HNF1B: variants seen among roughly 807,000 people sequenced by gnomAD.
HNF1B encodes HNF1 homeobox B.
HNF1B carries 8 observed loss-of-function variants against 61.7 expected under a neutral mutation model. That is an observed-to-expected ratio of 0.13 (90% CI 0.08 to 0.23). HNF1B has a LOEUF of 0.23. Ranked by LOEUF, HNF1B falls within the 10% of genes least tolerant of loss-of-function variation. The pLI is 1.00. For missense variants in HNF1B, 562 were observed against 714.5 expected (o/e 0.79, Z 2.43); for synonymous variants, 314 against 287.7 (o/e 1.09, Z -0.93).
At position 37,704,950 on chromosome 17, in the gene HNF1B, T is replaced by C. The variant is rs1344461672; in HGVS notation, c.1306A>G (p.Thr436Ala). ...NPQQSQNLIM[T>A]PLSGVMAIAQ... ...ATTGCCATGACTCCAGAGAGGGGTGTCATGATGAGGTTTTGAGATTGCTGG... is the reference window on the plus strand; with the variant it reads ...ATTGCCATGACTCCAGAGAGGGGTGCCATGATGAGGTTTTGAGATTGCTGG... Residue 436 changes from threonine (T) to alanine (A), a missense_variant, in exon 6 of 9, where the codon ACA becomes GCA. By Grantham distance (58) the Thr-to-Ala change is moderately conservative. This residue lies in a region of HNF1B where 211 missense variants were observed against 200.7 expected (regional missense o/e 1.05). Coordinates refer to ENST00000617811, the MANE Select transcript of HNF1B (RefSeq NM_000458.4). 1.2e-6 allele frequency: 2 copies of C among 1,614,090 alleles called. No homozygotes were observed. The highest frequency in any genetic ancestry group is 2.2e-5 in the South Asian group (2 of 91,076).
At chr17:37,739,664 G>A in intron 1 of HNF1B, 25 bp from the exon 2 acceptor site, 1 of 1,565,808 alleles carries the variant, frequency 6.4e-7, no homozygotes, top group Non-Finnish European at 8.7e-7. Context: ...AGATGGTTAG[G>A]GTACTAGTGG....
intron 4 of HNF1B, among the ~76,000 whole-genome samples, chr17:37,721,359 G>C (rs1156318331): frequency 6.6e-6 from 1 of 152,132 alleles, no homozygotes; most frequent in Non-Finnish European, 1.5e-5. Context: ...ACAATGATGA[G>C]TTTCACAATA....
chr17:37,737,053 T>G (rs750761862), intron 2 of HNF1B, among the ~76,000 whole-genome samples: 8 of 152,326 alleles, frequency 5.3e-5, no homozygotes, highest in Admixed American at 2.0e-4. Flanking sequence ...GGAGGTTCTG[T>G]GTGTGTAGAG....
intron 4 of HNF1B, among the ~76,000 whole-genome samples, chr17:37,711,618 A>G (rs1030453525): frequency 2.0e-5 from 3 of 152,230 alleles, no homozygotes; most frequent in African/African-American, 7.2e-5. Context: ...TGTGCCCATG[A>G]AACAGTCAAG....
chr17:37,709,378 T>C (rs1355153974), intron 5 of HNF1B, among the ~76,000 whole-genome samples: 1 of 152,004 alleles, frequency 6.6e-6, no homozygotes, highest in Admixed American at 6.6e-5. Context: ...GCCTCCCGAG[T>C]AGCTGGGATT....
intron 8 of HNF1B, among the ~76,000 whole-genome samples, chr17:37,697,541 G>A (rs2032425879): frequency 6.6e-6 from 1 of 152,182 alleles, no homozygotes; most frequent in African/African-American, 2.4e-5. Context: ...GGGAAAGACA[G>A]GAATAATTAA....
chr17:37,723,078 G>A (rs887806949), intron 4 of HNF1B, among the ~76,000 whole-genome samples: 6 of 151,984 alleles, frequency 3.9e-5, no homozygotes, highest in Non-Finnish European at 5.9e-5. Context: ...GGTGGCTCAC[G>A]GCTGTAATCC....
intron 8 of HNF1B, among the ~76,000 whole-genome samples, chr17:37,692,264 AT>A (rs1374012463): frequency 6.6e-6 from 1 of 152,214 alleles, no homozygotes; most frequent in African/African-American, 2.4e-5. Context: ...AAGTACTGGG[AT>A]CAGACAGATA....
Position 37,744,558 on chromosome 17 carries a change from C to T in HNF1B, c.327G>A (p.Glu109=). ...NTEEAAEQRA[E]VDRMLSEDPW... The stretch of plus-strand genomic sequence containing the variant: ...GCGCCTACCTGAGCATCCGGTCCAC[C>T]TCCGCCCGCTGCTCCGCCGCCTCCT... Residue 109 remains glutamate, a synonymous_variant, in exon 1 of 9, where the codon GAG becomes GAA. Coordinates refer to ENST00000617811, the MANE Select transcript of HNF1B (RefSeq NM_000458.4). The T allele has an allele frequency of 6.2e-7, 1 of 1,603,812 alleles. No individual in the cohort carries two copies. The highest frequency in any genetic ancestry group is 8.5e-7 in the Non-Finnish European group (1 of 1,179,878).
intron 6 of HNF1B, 141 bp from the exon 7 acceptor site, chr17:37,701,318 A>G (rs2032564414): frequency 1.5e-5 from 12 of 790,368 alleles, no homozygotes; most frequent in Non-Finnish European, 2.5e-5. Flanking sequence ...AGGCAAGTGT[A>G]AAGAAACGGA....
chr17:37,711,138 A>ATGAAGAAGAAG (rs2032923115), intron 4 of HNF1B, among the ~76,000 whole-genome samples: 1 of 152,212 alleles, frequency 6.6e-6, no homozygotes, highest in African/African-American at 2.4e-5. Flanking sequence ...GACCCATGTG[A>ATGAAGAAGAAG]CGAAGAAGAA....
At position 37,717,904 on chromosome 17, in the gene HNF1B, T is replaced by C. The variant is rs114462992; in HGVS notation, c.1046-7241A>G. Among the ~76,000 whole-genome samples the C allele has an allele frequency of 3.2e-3, 484 of 152,340 alleles. 2 individuals are homozygous for C. The highest frequency in any genetic ancestry group is 0.011 in the African/African-American group (463 of 41,572). Reference sequence around the variant, plus strand: ...CAAAGAGTTTAGAAGATTAAAAATCTGCAAATGTGGAAGAAAAAGCTGATG... The same window carrying C: ...CAAAGAGTTTAGAAGATTAAAAATCCGCAAATGTGGAAGAAAAAGCTGATG... On this transcript the variant is annotated intron_variant, in intron 4 of 8. Transcript: ENST00000617811.
At chr17:37,728,685 A>C (rs2147532869) in intron 4 of HNF1B, 1 of 141,686 alleles carries the variant, frequency 7.1e-6, no homozygotes, top group Non-Finnish European at 1.5e-5. Context: ...GGCTGTGGGC[A>C]CTGAGGTGGG....
chr17:37,718,444 T>C (rs1246640684), intron 4 of HNF1B, among the ~76,000 whole-genome samples: 1 of 152,120 alleles, frequency 6.6e-6, no homozygotes, highest in Non-Finnish European at 1.5e-5. Flanking sequence ...CATCTGAGAG[T>C]ATGTTACACC....
chr17:37,741,795 G>A (rs992491388), intron 1 of HNF1B, among the ~76,000 whole-genome samples: 1 of 152,198 alleles, frequency 6.6e-6, no homozygotes, highest in African/African-American at 2.4e-5. Flanking sequence ...AAGTGGGAAT[G>A]ATTCTGTGGA....
At chr17:37,711,905 C>T (rs2147477913) in intron 4 of HNF1B, among the ~76,000 whole-genome samples, 1 of 152,246 alleles carries the variant, frequency 6.6e-6, no homozygotes, top group South Asian at 2.1e-4. Context: ...GCCCCACCTT[C>T]CAGAGGAGAC....
At chr17:37,707,949 C>T (rs1357063409) in intron 5 of HNF1B, among the ~76,000 whole-genome samples, 1 of 152,260 alleles carries the variant, frequency 6.6e-6, no homozygotes, top group Non-Finnish European at 1.5e-5. Flanking sequence ...AAGGCACGTC[C>T]TACTGAAAGT....
At chr17:37,692,613 C>T (rs1365699761) in intron 8 of HNF1B, among the ~76,000 whole-genome samples, 4 of 152,016 alleles carry the variant, frequency 2.6e-5, no homozygotes, top group African/African-American at 9.7e-5. Flanking sequence ...TTCATTCGTT[C>T]GTTCGTTCAT....
chr17:37,710,385 CA>C (rs1030274459), intron 5 of HNF1B, 117 bp downstream of exon 5: 1 of 1,355,008 alleles, frequency 7.4e-7, no homozygotes, highest in African/African-American at 1.4e-5. Flanking sequence ...GGACAGCCCT[CA>C]TTTTCCCCTA....
Sources: gnomAD v4.1 joint callset for allele counts (sites outside exome capture counted in the v4.1 genomes callset) on GRCh38, gnomAD v4.1.1 for gene constraint, gnomAD v4.1.1 regional missense constraint, MANE v1.5 for transcripts, NCBI Gene and HGNC (gene_info 2026-07-23, HGNC 2026-07-21) for gene names.